Variants in HCN1 observed in about 807,000 individuals in gnomAD.
HCN1 encodes the protein hyperpolarization activated cyclic nucleotide gated potassium channel 1, also known as potassium/sodium hyperpolarization-activated cyclic nucleotide-gated channel 1.
Under a neutral mutation model 78.9 loss-of-function variants are expected in HCN1, and 13 were observed. The observed-to-expected ratio is 0.16, with a 90% confidence interval of 0.11 to 0.26. The LOEUF is 0.26. HCN1 is among the 10% of genes least tolerant of loss of function. The probability of loss-of-function intolerance (pLI) is 1.00; values close to 1 mark genes in which losing one functional copy is unlikely to be tolerated. For synonymous variants in HCN1, 552 were observed against 455.5 expected, an observed-to-expected ratio of 1.21 and a Z score of -2.70; for missense variants, 810 against 1,154.3, an observed-to-expected ratio of 0.70 and a Z score of 4.32.
chr5:45,313,515 G>T (rs776575298), intron 5 of HCN1, among the ~76,000 whole-genome samples: 3 of 152,220 alleles, frequency 2.0e-5, no homozygotes, highest in Non-Finnish European at 4.4e-5. Flanking sequence ...AAGCTGGATG[G>T]AGAATGACTT....
chr5:45,368,949 C>A (rs1000812387), intron 4 of HCN1, among the ~76,000 whole-genome samples: 13 of 151,812 alleles, frequency 8.6e-5, no homozygotes, highest in African/African-American at 3.1e-4. Flanking sequence ...TGTTTCCATC[C>A]GTTCCAAAAG....
At chr5:45,427,005 T>G (rs1269619171) in intron 3 of HCN1, among the ~76,000 whole-genome samples, 1 of 151,886 alleles carries the variant, frequency 6.6e-6, no homozygotes, top group Non-Finnish European at 1.5e-5. Context: ...ATTCATTATA[T>G]TATAATATGA....
At chr5:45,422,723 T>A (rs1335662869) in intron 3 of HCN1, among the ~76,000 whole-genome samples, 7 of 152,202 alleles carry the variant, frequency 4.6e-5, no homozygotes, top group Non-Finnish European at 2.9e-5. Context: ...ATAGTTTTTT[T>A]ATTCACCATA....
intron 4 of HCN1, among the ~76,000 whole-genome samples, chr5:45,387,719 T>C (rs779945596): frequency 2.0e-5 from 3 of 152,106 alleles, no homozygotes; most frequent in Non-Finnish European, 4.4e-5. Flanking sequence ...CACCAGGCCA[T>C]ATACAGTAGT....
intron 5 of HCN1, among the ~76,000 whole-genome samples, chr5:45,317,919 G>C (rs1299293780): frequency 1.3e-5 from 2 of 152,096 alleles, no homozygotes; most frequent in African/African-American, 4.8e-5. Context: ...GAAACAACAG[G>C]TGCTGGAGAG....
At chr5:45,289,016 T>G (rs559102370) in intron 6 of HCN1, among the ~76,000 whole-genome samples, 2 of 152,040 alleles carry the variant, frequency 1.3e-5, no homozygotes, top group African/African-American at 2.4e-5. Context: ...AACCTATTCA[T>G]GTAGCAGATT....
At chr5:45,372,162 T>A (rs1358166032) in intron 4 of HCN1, among the ~76,000 whole-genome samples, 2 of 59,474 alleles carry the variant, frequency 3.4e-5, no homozygotes, top group South Asian at 5.4e-4. Context: ...AATATGTTAT[T>A]ATATATAATT....
chr5:45,576,881 T>G (rs1194932607), intron 2 of HCN1, among the ~76,000 whole-genome samples: 28 of 152,024 alleles, frequency 1.8e-4, no homozygotes, highest in Admixed American at 1.8e-3. Context: ...CCTTTCAAAT[T>G]TGTGAATCAT....
rs1427433933 is a variant in HCN1 at position 45,397,514 on chromosome 5, TA to T, written c.1012-805del. ...CCAATGTATCTTATCTAATTTTTGT[TA>T]AAATTTAAATTATTTTTTGGATAAA... On this transcript the variant is annotated intron_variant, in intron 3 of 7. Transcript: ENST00000303230. Among the ~76,000 whole-genome samples the T allele has an allele frequency of 2.6e-5, 4 of 152,112 alleles. 1 individual carries two copies. In the East Asian group the frequency reaches 7.7e-4, roughly 29 times the overall value.
intron 2 of HCN1, among the ~76,000 whole-genome samples, chr5:45,489,341 T>C (rs986422656): frequency 1.3e-5 from 2 of 152,158 alleles, no homozygotes; most frequent in Non-Finnish European, 1.5e-5. Context: ...TTGAAACTCA[T>C]GGCTAGCATT....
At chr5:45,351,854 G>A (rs7734729) in intron 5 of HCN1, among the ~76,000 whole-genome samples, 9 of 151,934 alleles carry the variant, frequency 5.9e-5, no homozygotes, top group African/African-American at 1.2e-4. Flanking sequence ...TTAGAATGGC[G>A]ATCATTAAAA....
chr5:45,406,118 T>C (rs1739914761), intron 3 of HCN1, among the ~76,000 whole-genome samples: 1 of 152,178 alleles, frequency 6.6e-6, no homozygotes, highest in Non-Finnish European at 1.5e-5. Context: ...TCCAATTTTT[T>C]ATACTAAGAG....
chr5:45,282,652 T>C (rs555574989), intron 6 of HCN1, among the ~76,000 whole-genome samples: 3 of 152,308 alleles, frequency 2.0e-5, no homozygotes, highest in African/African-American at 7.2e-5. Context: ...CTGTCTCTAA[T>C]TACAATCTCA....
chr5:45,314,362 G>A (rs1003114767), intron 5 of HCN1, among the ~76,000 whole-genome samples: 3 of 152,162 alleles, frequency 2.0e-5, no homozygotes, highest in African/African-American at 7.2e-5. Context: ...CCTGAAAGAA[G>A]CACTAAACAT....
At chr5:45,451,850 A>G (rs759702643) in intron 3 of HCN1, among the ~76,000 whole-genome samples, 3 of 151,992 alleles carry the variant, frequency 2.0e-5, no homozygotes, top group Non-Finnish European at 2.9e-5. Context: ...GCCCTTCCCC[A>G]TGTTGTAGGA....
intron 2 of HCN1, among the ~76,000 whole-genome samples, chr5:45,567,214 AT>A (rs11354534): frequency 0.31 from 46,677 of 148,310 alleles, 7,703 homozygotes; most frequent in South Asian, 0.38. Flanking sequence ...TTTTTCTTTC[AT>A]TTTTTTTTTT....
At chr5:45,291,674 G>T (rs1285224996) in intron 6 of HCN1, among the ~76,000 whole-genome samples, 2 of 151,794 alleles carry the variant, frequency 1.3e-5, no homozygotes, top group Non-Finnish European at 2.9e-5. Flanking sequence ...CCAAGTAGTT[G>T]TATGTGCTAC....
Position 45,261,244 on chromosome 5 carries a change from G to T in HCN1, c.*677C>A, listed in dbSNP as rs552869843. On this transcript the variant is annotated 3_prime_UTR_variant, in exon 8 of 8. Transcript: ENST00000303230. ...ATTGATCGAGTCTTGGTAAAAGTCC[G>T]ATAACACATGAAGACAAATATTAAT... is the stretch of plus-strand genomic sequence containing the variant. 1 of 152,550 alleles carries T rather than the reference G, an allele frequency of 6.6e-6. No homozygotes were observed. Among genetic ancestry groups the T allele is most frequent in the Non-Finnish European group, 1.5e-5 (1 of 68,016 alleles). The allele number at this position is 152,550 out of a possible 1,614,324, so 9.4% of individuals were successfully genotyped here. A position where few individuals can be genotyped will look rare whatever the true frequency, so the allele number is the denominator to read the frequency against.
chr5:45,376,954 G>A (rs1747693841), intron 4 of HCN1, among the ~76,000 whole-genome samples: 1 of 151,926 alleles, frequency 6.6e-6, no homozygotes, highest in African/African-American at 2.4e-5. Context: ...GTGCAACCAG[G>A]TGTTTGTCAT....
Sources: gnomAD v4.1 joint callset for allele counts (sites outside exome capture counted in the v4.1 genomes callset) on GRCh38, gnomAD v4.1.1 for gene constraint, MANE v1.5 for transcripts, NCBI Gene and HGNC (gene_info 2026-07-23, HGNC 2026-07-21) for gene names.